FAM135A: variants seen among roughly 807,000 people sequenced by gnomAD.
FAM135A encodes protein FAM135A.
A neutral mutation model predicts 146.8 loss-of-function variants in FAM135A; 79 were observed. That is an observed-to-expected ratio of 0.54 (90% CI 0.45 to 0.65). The LOEUF is 0.65. FAM135A is among the 30% of genes least tolerant of loss of function. The pLI, the probability that FAM135A is intolerant of heterozygous loss-of-function variation, is 0.00. For missense variants in FAM135A, 1,623 were observed against 1,758.2 expected, an observed-to-expected ratio of 0.92 and a Z score of 1.38; for synonymous variants, 562 against 603.6, an observed-to-expected ratio of 0.93 and a Z score of 1.01.
intron 4 of FAM135A, among the ~76,000 whole-genome samples, chr6:70,430,309 C>T (rs1486081329): frequency 2.6e-5 from 4 of 151,834 alleles, no homozygotes; most frequent in African/African-American, 9.7e-5. Flanking sequence ...TGCACTCCAG[C>T]CTGGGTAACA....
At chr6:70,450,549 G>C (rs894257277) in intron 4 of FAM135A, among the ~76,000 whole-genome samples, 1 of 151,744 alleles carries the variant, frequency 6.6e-6, no homozygotes, top group African/African-American at 2.4e-5. Flanking sequence ...TGTGTTCTTG[G>C]CACCTTTGTC....
intron 2 of FAM135A, among the ~76,000 whole-genome samples, chr6:70,418,939 A>G (rs1768148252): frequency 6.6e-6 from 1 of 152,206 alleles, no homozygotes; most frequent in East Asian, 1.9e-4. Flanking sequence ...CAAAGACTGT[A>G]AGGGCCAGAG....
chr6:70,440,088 A>G (rs1040284342), intron 4 of FAM135A, among the ~76,000 whole-genome samples: 5 of 152,196 alleles, frequency 3.3e-5, no homozygotes, highest in African/African-American at 1.2e-4. Flanking sequence ...ATTCACCCCA[A>G]AATTCATAGC....
chr6:70,534,512 G>A (rs895252902), intron 18 of FAM135A, among the ~76,000 whole-genome samples: 3 of 151,482 alleles, frequency 2.0e-5, no homozygotes, highest in Non-Finnish European at 4.4e-5. Flanking sequence ...GGGTTTCACC[G>A]TGTTACCCAG....
intron 4 of FAM135A, among the ~76,000 whole-genome samples, chr6:70,438,734 A>T (rs902007543): frequency 9.9e-5 from 15 of 152,226 alleles, no homozygotes; most frequent in African/African-American, 3.6e-4. Context: ...TCTTATGCAG[A>T]GGTTGCTAAA....
chr6:70,526,802 CA>C (rs1794839889), intron 15 of FAM135A, 104 bp downstream of exon 15: 2 of 528,122 alleles, frequency 3.8e-6, no homozygotes, highest in South Asian at 7.9e-5. Context: ...CACACACACA[CA>C]TATATATATA....
chr6:70,521,734 G>A (rs949726013), intron 12 of FAM135A, among the ~76,000 whole-genome samples: 5 of 152,094 alleles, frequency 3.3e-5, no homozygotes, highest in Non-Finnish European at 7.4e-5. Context: ...GCCTAATTTT[G>A]CTCCAGTAGC....
rs1304911411 is a variant in FAM135A at position 70,445,738 on chromosome 6, A to T, written c.78-6754A>T. On this transcript the variant is annotated intron_variant, in intron 4 of 21. Coordinates refer to ENST00000418814, the MANE Select transcript of FAM135A (RefSeq NM_001162529.3). ...AGGTGTTCCTTGCCCTCATTCCGGT[A>T]AACCCACAACCTTCCAGCATGGGCG... Among the ~76,000 whole-genome samples the T allele has an allele frequency of 4.6e-5, 7 of 152,222 alleles. No homozygotes were observed. The South Asian group carries it at 1.0e-3, about 23-fold the overall frequency.
At chr6:70,437,619 A>G (rs184498924) in intron 4 of FAM135A, among the ~76,000 whole-genome samples, 13 of 152,256 alleles carry the variant, frequency 8.5e-5, no homozygotes, top group Admixed American at 8.5e-4. Context: ...CTATGAGAAA[A>G]TACAGTCTCA....
intron 4 of FAM135A, among the ~76,000 whole-genome samples, chr6:70,445,364 T>A (rs1775465921): frequency 1.2e-5 from 1 of 84,322 alleles, no homozygotes; most frequent in Non-Finnish European, 2.2e-5. Flanking sequence ...TTCTGCCGTC[T>A]TGGTCAGGGA....
chr6:70,491,975 A>G (rs116948001), intron 11 of FAM135A, among the ~76,000 whole-genome samples: 42 of 152,026 alleles, frequency 2.8e-4, no homozygotes, highest in Non-Finnish European at 4.6e-4. Context: ...ACTCCAGTCA[A>G]TCATTTTAAT....
At chr6:70,470,466 C>T (rs752054784) in intron 5 of FAM135A, among the ~76,000 whole-genome samples, 52 of 152,148 alleles carry the variant, frequency 3.4e-4, no homozygotes, top group Non-Finnish European at 8.8e-5. Context: ...AAGCAGTTCT[C>T]CTGCCTCAGC....
chr6:70,538,224 TTAA>T (rs1249736531), intron 19 of FAM135A, 64 bp from the exon 20 acceptor site: 18 of 951,864 alleles, frequency 1.9e-5, no homozygotes, highest in East Asian at 1.3e-4. Context: ...TATATTAAAA[TTAA>T]TAATCTTGGC....
chr6:70,419,280 G>A (rs893921333), intron 2 of FAM135A, among the ~76,000 whole-genome samples: 2 of 152,114 alleles, frequency 1.3e-5, no homozygotes, highest in African/African-American at 2.4e-5. Context: ...TTAGCTGGGC[G>A]TGGTGGCGCA....
At chr6:70,490,760 A>G (rs190386205) in intron 10 of FAM135A, among the ~76,000 whole-genome samples, 1 of 152,172 alleles carries the variant, frequency 6.6e-6, no homozygotes, top group Admixed American at 6.5e-5. Flanking sequence ...CTTTTCTGTG[A>G]CACAGTTGTG....
intron 4 of FAM135A, among the ~76,000 whole-genome samples, chr6:70,431,248 A>G (rs1771519038): frequency 6.6e-6 from 1 of 152,198 alleles, no homozygotes; most frequent in African/African-American, 2.4e-5. Flanking sequence ...ATGGCAATAA[A>G]CATTTATTTT....
intron 19 of FAM135A, among the ~76,000 whole-genome samples, chr6:70,536,956 G>A (rs1410216171): frequency 7.5e-6 from 1 of 134,194 alleles, no homozygotes; most frequent in Non-Finnish European, 1.5e-5. Context: ...TTTTTTTTTA[G>A]GACAGAGTCT....
chr6:70,528,269 G>A (rs374517358), intron 15 of FAM135A, 23 bp from the exon 16 acceptor site: 3 of 1,588,692 alleles, frequency 1.9e-6, no homozygotes, highest in Non-Finnish European at 2.6e-6. Flanking sequence ...TTAGTAAAGA[G>A]TATCTTTTGT....
chr6:70,480,943 A>G lies in FAM135A; in HGVS notation c.585A>G (p.Ala195=). 1.2e-6 allele frequency: 2 copies of G among 1,612,926 alleles called. No individual in the cohort carries two copies. Among genetic ancestry groups the G allele is most frequent in the East Asian group, 4.5e-5 (2 of 44,746 alleles). Residue 195 remains alanine (A), a synonymous_variant, in exon 9 of 22, where the codon GCA becomes GCG. Transcript: ENST00000418814. The part of the protein sequence containing the change: ...PVKTTWLNRN[A]PAQNKDSVIP... ...AGACAACTTGGTTAAATAGAAATGC[A>G]CCAGCACAAAACAAAGATTCCGTGA...
Sources: gnomAD v4.1 joint callset for allele counts (sites outside exome capture counted in the v4.1 genomes callset) on GRCh38, gnomAD v4.1.1 for gene constraint, MANE v1.5 for transcripts, NCBI Gene and HGNC (gene_info 2026-07-23, HGNC 2026-07-21) for gene names.